The following LEPR variants were observed in gnomAD, a reference collection of about 807,000 sequenced individuals.
LEPR encodes OB receptor.
Under a neutral mutation model 114.7 loss-of-function variants are expected in LEPR, and 56 were observed. The ratio of observed to expected loss-of-function variants is 0.49; its 90% CI spans 0.39 to 0.61. The LOEUF (loss-of-function observed/expected upper bound fraction) is 0.61. LEPR is among the 20% of genes least tolerant of loss of function. The pLI is 0.00. For missense variants in LEPR, 1,202 were observed against 1,352.9 expected (o/e 0.89, Z 1.75); for synonymous variants, 443 against 461.4 (o/e 0.96, Z 0.51).
intron 16 of LEPR, among the ~76,000 whole-genome samples, chr1:65,619,513 T>G (rs930315726): frequency 6.6e-6 from 1 of 152,042 alleles, no homozygotes; most frequent in African/African-American, 2.4e-5. Flanking sequence ...TTGAATGGAA[T>G]GGGGAAACTA....
chr1:65,568,861 G>A (rs1283682561), intron 3 of LEPR, among the ~76,000 whole-genome samples: 1 of 152,016 alleles, frequency 6.6e-6, no homozygotes, highest in Non-Finnish European at 1.5e-5. Context: ...TTTAATAATG[G>A]CCATTCTTAC....
chr1:65,440,199 TC>T (rs1646631603), intron 2 of LEPR, among the ~76,000 whole-genome samples: 1 of 152,018 alleles, frequency 6.6e-6, no homozygotes, highest in Non-Finnish European at 1.5e-5. Flanking sequence ...TTAGGTCTAC[TC>T]TTTCGATTCT....
At chr1:65,520,590 G>T (rs932134354) in intron 2 of LEPR, among the ~76,000 whole-genome samples, 3 of 152,042 alleles carry the variant, frequency 2.0e-5, no homozygotes, top group Non-Finnish European at 4.4e-5. Context: ...AGACCAGCTC[G>T]GCTGGGGAGA....
chr1:65,565,593 T>C lies in LEPR; in HGVS notation c.28T>C (p.Leu10=). The change falls in exon 3 of 20, where the codon TTG becomes CTG. Residue 10 remains leucine (L), a synonymous_variant. Coordinates refer to ENST00000349533, the MANE Select transcript of LEPR (RefSeq NM_002303.6). ...GATTTGTCAAAAATTCTGTGTGGTTTTGTTACATTGGGGTAAGTTATTTGC... is the reference window on the plus strand; with the variant it reads ...GATTTGTCAAAAATTCTGTGTGGTTCTGTTACATTGGGGTAAGTTATTTGC... MICQKFCVV[L]LHWEFIYVIT... is the part of the protein sequence containing the mutation. 6.2e-7 allele frequency: 1 copy of C among 1,613,978 alleles called. No individual in the cohort carries two copies.
At chr1:65,422,347 C>T (rs1466726321) in intron 1 of LEPR, among the ~76,000 whole-genome samples, 4 of 152,150 alleles carry the variant, frequency 2.6e-5, no homozygotes, top group Non-Finnish European at 5.9e-5. Flanking sequence ...GGCAACCATG[C>T]TGGCAACCAC....
At chr1:65,479,268 A>AT (rs111865229) in intron 2 of LEPR, among the ~76,000 whole-genome samples, 31,498 of 151,264 alleles carry the variant, frequency 0.21, 4,163 homozygotes, top group African/African-American at 0.38. Context: ...TACAGGACAT[A>AT]TTTTTTTTTA....
chr1:65,615,983 T>G (rs1447544131), intron 14 of LEPR, 25 bp from the exon 15 acceptor site: 1 of 1,613,716 alleles, frequency 6.2e-7, no homozygotes, highest in Non-Finnish European at 8.5e-7. Flanking sequence ...GCCCTTAAAC[T>G]AATCAATTTC....
chr1:65,589,721 A>T (rs1472891926), intron 5 of LEPR, among the ~76,000 whole-genome samples: 1 of 152,070 alleles, frequency 6.6e-6, no homozygotes, highest in South Asian at 2.1e-4. Flanking sequence ...GTAGAAAATC[A>T]GTTGTCCATG....
intron 2 of LEPR, among the ~76,000 whole-genome samples, chr1:65,499,343 C>T (rs527879983): frequency 3.3e-5 from 5 of 151,770 alleles, no homozygotes; most frequent in South Asian, 2.1e-4. Context: ...GGGTGGGTGG[C>T]GTAAAATGGA....
At position 65,596,579 on chromosome 1, in the gene LEPR, A is replaced by C; in HGVS notation, c.835A>C (p.Thr279Pro). 12 of 1,612,404 alleles carry C rather than the reference A, an allele frequency of 7.4e-6. No homozygotes were observed. Among genetic ancestry groups the C allele is most frequent in the Non-Finnish European group, 1.0e-5 (12 of 1,178,928 alleles). ...YQVKYSENST[T>P]VIREADKIVS... ...AGTGAAATATTCAGAGAATTCTACA[A>C]CAGTTATCAGAGAAGTAAGTATATT... The change falls in exon 7 of 20, where the codon ACA (threonine) becomes CCA (proline). Residue 279 changes from threonine (T) to proline (P), a missense_variant. Coordinates refer to ENST00000349533, the MANE Select transcript of LEPR (RefSeq NM_002303.6).
chr1:65,575,006 A>G (rs1654482441), intron 5 of LEPR, among the ~76,000 whole-genome samples: 1 of 152,154 alleles, frequency 6.6e-6, no homozygotes, highest in Non-Finnish European at 1.5e-5. Flanking sequence ...ATGGGGGGAC[A>G]CTGCAGAGCT....
chr1:65,452,807 G>T (rs1230164979), intron 2 of LEPR, among the ~76,000 whole-genome samples: 1 of 151,350 alleles, frequency 6.6e-6, no homozygotes, highest in Admixed American at 6.6e-5. Context: ...ATGAGTTAGG[G>T]AGGATTCCCT....
chr1:65,445,638 T>TTTTG (rs1254419381), intron 2 of LEPR, among the ~76,000 whole-genome samples: 2 of 130,940 alleles, frequency 1.5e-5, no homozygotes, highest in African/African-American at 2.8e-5. Flanking sequence ...CTGAATAGAG[T>TTTTG]TTTTTTTTTT....
intron 2 of LEPR, among the ~76,000 whole-genome samples, chr1:65,536,225 T>A (rs2100642189): frequency 6.6e-6 from 1 of 152,198 alleles, no homozygotes; most frequent in East Asian, 1.9e-4. Context: ...GAGCACTGAT[T>A]TTTAAAAAGA....
chr1:65,447,055 C>A lies in LEPR; in HGVS notation c.-21+21677C>A, dbSNP rs144495643. 3.0e-3 allele frequency among the ~76,000 whole-genome samples: 455 copies of A among 152,224 alleles called. 1 individual carries two copies. Among genetic ancestry groups the A allele is most frequent in the African/African-American group, 0.01 (434 of 41,532 alleles). ...CCATGTTGCCCAGGCTGGTCTCAAA[C>A]TCCTGGGCTCATGTGATCCACCTGC... On this transcript the variant is annotated intron_variant, in intron 2 of 19. Coordinates refer to ENST00000349533, the MANE Select transcript of LEPR (RefSeq NM_002303.6).
chr1:65,450,995 T>A (rs1257401041), intron 2 of LEPR, among the ~76,000 whole-genome samples: 3 of 149,972 alleles, frequency 2.0e-5, no homozygotes, highest in East Asian at 2.0e-4. Context: ...GGTATCTCAT[T>A]GTGGTTTTGA....
At chr1:65,456,015 A>T (rs4592285) in intron 2 of LEPR, among the ~76,000 whole-genome samples, 2 of 151,964 alleles carry the variant, frequency 1.3e-5, no homozygotes, top group African/African-American at 2.4e-5. Flanking sequence ...TCGGAAAAGC[A>T]CAGTATTCGG....
At chr1:65,511,510 A>G (rs1320222005) in intron 2 of LEPR, among the ~76,000 whole-genome samples, 1 of 151,932 alleles carries the variant, frequency 6.6e-6, no homozygotes, top group South Asian at 2.1e-4. Context: ...AGGTCTTGCA[A>G]TCACATTGCC....
intron 3 of LEPR, among the ~76,000 whole-genome samples, chr1:65,567,010 C>T (rs528307216): frequency 2.0e-5 from 3 of 152,048 alleles, no homozygotes; most frequent in South Asian, 2.1e-4. Context: ...TATTAATTTT[C>T]GTTAGACTCT....
Sources: gnomAD v4.1 joint callset for allele counts (sites outside exome capture counted in the v4.1 genomes callset) on GRCh38, gnomAD v4.1.1 for gene constraint, MANE v1.5 for transcripts, NCBI Gene and HGNC (gene_info 2026-07-23, HGNC 2026-07-21) for gene names.